Variants in SNTB1 observed in about 807,000 individuals in gnomAD.
The protein encoded by SNTB1 is syntrophin beta 1.
Under a neutral mutation model 48.9 loss-of-function variants are expected in SNTB1, and 36 were observed. That is an observed-to-expected ratio of 0.74 (90% confidence interval 0.56 to 0.97). SNTB1 has a LOEUF of 0.97. SNTB1 is among the 50% of genes least tolerant of loss of function. SNTB1 has a pLI of 0.00. For missense variants in SNTB1, 786 were observed against 703.4 expected (o/e 1.12, Z -1.33); for synonymous variants, 299 against 294.6 (o/e 1.01, Z -0.15).
intron 2 of SNTB1, among the ~76,000 whole-genome samples, chr8:120,686,597 T>G (rs1818038410): frequency 6.8e-6 from 1 of 147,492 alleles, no homozygotes; most frequent in East Asian, 2.1e-4. Context: ...ATTTGGGGGG[T>G]GGGGGGACAC....
intron 1 of SNTB1, among the ~76,000 whole-genome samples, chr8:120,712,544 C>T (rs1818481700): frequency 6.6e-6 from 1 of 151,958 alleles, no homozygotes; most frequent in South Asian, 2.1e-4. Flanking sequence ...ACTATTAAGT[C>T]CTAATTTTAT....
rs554281538 is a variant in SNTB1 at position 120,714,283 on chromosome 8, CA to C, written c.572-20376del. The stretch of plus-strand genomic sequence containing the variant: ...ATTTAAGAAAGCAGTGCGTGCAAGC[CA>C]TCCATAATGCTGTCTTCAGAAACAG... On this transcript the variant is annotated intron_variant, in intron 1 of 6. Transcript: ENST00000517992. 1.7e-4 allele frequency among the ~76,000 whole-genome samples: 26 copies of C among 152,210 alleles called. 1 individual carries two copies. The highest frequency in any genetic ancestry group is 8.5e-4 in the Admixed American group (13 of 15,286).
chr8:120,775,743 G>GAAGGAAGT, intron 1 of SNTB1, among the ~76,000 whole-genome samples: 1 of 150,260 alleles, frequency 6.7e-6, no homozygotes, highest in African/African-American at 2.5e-5. Flanking sequence ...AGGAAGGAAG[G>GAAGGAAGT]AAGGAAGGAA....
intron 1 of SNTB1, among the ~76,000 whole-genome samples, chr8:120,716,895 C>A (rs1181984054): frequency 1.3e-5 from 2 of 152,128 alleles, no homozygotes; most frequent in East Asian, 3.9e-4. Flanking sequence ...TCTCTCTGAA[C>A]AGAAATTTCC....
At chr8:120,610,329 G>A (rs575900298) in intron 3 of SNTB1, among the ~76,000 whole-genome samples, 1 of 152,200 alleles carries the variant, frequency 6.6e-6, no homozygotes, top group South Asian at 2.1e-4. Flanking sequence ...AAGAGACGGG[G>A]TTTCACCACG....
intron 1 of SNTB1, among the ~76,000 whole-genome samples, chr8:120,715,049 C>T (rs2129929871): frequency 6.6e-6 from 1 of 152,348 alleles, no homozygotes; most frequent in African/African-American, 2.4e-5. Flanking sequence ...ATCTCCATCA[C>T]AGTCGAATTC....
chr8:120,608,508 A>G (rs1554647514), intron 3 of SNTB1, among the ~76,000 whole-genome samples: 1 of 152,240 alleles, frequency 6.6e-6, no homozygotes, highest in Non-Finnish European at 1.5e-5. Context: ...ATGAAGACAC[A>G]GAGAGAAGAC....
chr8:120,674,476 T>C (rs1279563444), intron 2 of SNTB1, among the ~76,000 whole-genome samples: 1 of 152,178 alleles, frequency 6.6e-6, no homozygotes, highest in African/African-American at 2.4e-5. Context: ...AACCACTACA[T>C]GGTAACAGAT....
intron 1 of SNTB1, among the ~76,000 whole-genome samples, chr8:120,784,895 G>A (rs1055479128): frequency 2.0e-5 from 3 of 152,190 alleles, no homozygotes; most frequent in Non-Finnish European, 2.9e-5. Flanking sequence ...GTTTAAGGAG[G>A]GGAGAGACTG....
rs547131364 is a variant in SNTB1, at chr8:120,560,731, C to T, written c.1137-11773G>A. Among the ~76,000 whole-genome samples, 136 of 152,260 alleles carry T rather than the reference C, an allele frequency of 8.9e-4. 1 individual carries two copies. The highest frequency in any genetic ancestry group is 3.0e-3 in the African/African-American group (125 of 41,564). ...CATACCTTTCTTTGTGCCCTTGTGA[C>T]CTGCCACGACCATCTGCCAGTAGTA... On this transcript the variant is annotated intron_variant, in intron 4 of 6. Coordinates refer to ENST00000517992, the MANE Select transcript of SNTB1 (RefSeq NM_021021.4).
intron 1 of SNTB1, among the ~76,000 whole-genome samples, chr8:120,803,879 C>A (rs933754298): frequency 2.0e-5 from 3 of 152,112 alleles, no homozygotes; most frequent in Non-Finnish European, 2.9e-5. Flanking sequence ...GGTCCCTGAG[C>A]CATAGGGGGT....
intron 1 of SNTB1, among the ~76,000 whole-genome samples, chr8:120,737,181 G>A (rs1348648935): frequency 1.3e-5 from 2 of 152,150 alleles, no homozygotes; most frequent in East Asian, 3.9e-4. Flanking sequence ...CCAGGGGGTT[G>A]TGAAAAGTTA....
intron 1 of SNTB1, among the ~76,000 whole-genome samples, chr8:120,720,339 G>T (rs868409032): frequency 6.6e-6 from 1 of 152,202 alleles, no homozygotes; most frequent in Non-Finnish European, 1.5e-5. Flanking sequence ...ATAGATTTAC[G>T]TGCCTTCAGC....
chr8:120,692,434 A>G (rs1340574500), intron 2 of SNTB1, among the ~76,000 whole-genome samples: 1 of 152,162 alleles, frequency 6.6e-6, no homozygotes, highest in African/African-American at 2.4e-5. Flanking sequence ...TGCAAAGGTC[A>G]CTAAGATTCC....
chr8:120,652,766 G>A (rs1370385138), intron 2 of SNTB1, among the ~76,000 whole-genome samples: 3 of 152,164 alleles, frequency 2.0e-5, no homozygotes, highest in Non-Finnish European at 4.4e-5. Context: ...GAAGTGCTTT[G>A]TGACCTGATG....
At chr8:120,797,094 C>T (rs902625987) in intron 1 of SNTB1, among the ~76,000 whole-genome samples, 13 of 151,948 alleles carry the variant, frequency 8.6e-5, no homozygotes, top group Non-Finnish European at 8.8e-5. Context: ...AAGGAATATA[C>T]GATTTAATTC....
At chr8:120,675,072 C>A (rs1817813020) in intron 2 of SNTB1, among the ~76,000 whole-genome samples, 1 of 152,124 alleles carries the variant, frequency 6.6e-6, no homozygotes, top group Non-Finnish European at 1.5e-5. Context: ...AAAGCAACAG[C>A]TAAAATTGCA....
At chr8:120,655,917 G>T (rs904360290) in intron 2 of SNTB1, among the ~76,000 whole-genome samples, 1 of 152,158 alleles carries the variant, frequency 6.6e-6, no homozygotes, top group African/African-American at 2.4e-5. Context: ...TTTAGGTAGA[G>T]CTTGGCCAAT....
At chr8:120,637,648 A>C (rs1334080471) in intron 2 of SNTB1, 10 of 315,240 alleles carry the variant, frequency 3.2e-5, no homozygotes, top group Non-Finnish European at 5.6e-5. Flanking sequence ...ACTATAGGGT[A>C]AACATTTATT....
Sources: allele counts gnomAD v4.1 joint callset (sites outside exome capture counted in the v4.1 genomes callset), GRCh38; gene constraint gnomAD v4.1.1; transcripts MANE v1.5; gene names NCBI Gene and HGNC (gene_info 2026-07-23, HGNC 2026-07-21).